SLIT1: variants seen among roughly 807,000 people sequenced by gnomAD.
SLIT1 encodes the protein slit homolog 1 protein.
SLIT1 carries 66 observed loss-of-function variants against 186.1 expected under a neutral mutation model. That is an observed-to-expected ratio of 0.35 (90% CI 0.29 to 0.44). The LOEUF is 0.44. SLIT1 is among the 20% of genes least tolerant of loss of function. The pLI, the probability that SLIT1 is intolerant of heterozygous loss-of-function variation, is 1.00. For missense variants in SLIT1, 1,638 were observed against 2,037.4 expected, an observed-to-expected ratio of 0.80 and a Z score of 3.77; for synonymous variants, 761 against 833.8, an observed-to-expected ratio of 0.91 and a Z score of 1.50.
At chr10:97,147,440 A>C (rs1467640371) in intron 4 of SLIT1, among the ~76,000 whole-genome samples, 3 of 152,236 alleles carry the variant, frequency 2.0e-5, no homozygotes, top group African/African-American at 7.2e-5. Context: ...ATATTGTACC[A>C]TGATTTTAAA....
intron 17 of SLIT1, 48 bp from the exon 18 acceptor site, chr10:97,046,845 G>T: frequency 6.2e-7 from 1 of 1,600,356 alleles, no homozygotes; most frequent in South Asian, 1.1e-5. Context: ...GCAGCCAGGA[G>T]CTCAGGCCCC....
intron 4 of SLIT1, among the ~76,000 whole-genome samples, chr10:97,121,632 C>A (rs375317960): frequency 3.9e-5 from 6 of 152,290 alleles, no homozygotes; most frequent in African/African-American, 1.4e-4. Flanking sequence ...TAATCACACA[C>A]CAGAAAACCC....
At chr10:97,091,502 GTAGTTT>G (rs1394426493) in intron 4 of SLIT1, among the ~76,000 whole-genome samples, 1 of 152,172 alleles carries the variant, frequency 6.6e-6, no homozygotes, top group Non-Finnish European at 1.5e-5. Flanking sequence ...ATTGAACTTT[GTAGTTT>G]TATTTCAGTG....
chr10:97,111,407 C>CAT (rs776818977), intron 4 of SLIT1, among the ~76,000 whole-genome samples: 6 of 152,088 alleles, frequency 3.9e-5, no homozygotes, highest in Non-Finnish European at 8.8e-5. Context: ...TTCTAATTCT[C>CAT]ACAGCCACTA....
intron 1 of SLIT1, among the ~76,000 whole-genome samples, chr10:97,174,273 G>A (rs769094896): frequency 4.6e-5 from 7 of 152,198 alleles, no homozygotes; most frequent in Non-Finnish European, 8.8e-5. Context: ...CGGCACCTGT[G>A]AGGATACCTG....
intron 4 of SLIT1, among the ~76,000 whole-genome samples, chr10:97,093,515 C>G (rs1849254866): frequency 6.6e-6 from 1 of 152,120 alleles, no homozygotes; most frequent in African/African-American, 2.4e-5. Context: ...GCCTAAAGCC[C>G]ATATGAGATG....
intron 4 of SLIT1, among the ~76,000 whole-genome samples, chr10:97,140,534 C>A (rs1447200748): frequency 6.6e-6 from 1 of 152,214 alleles, no homozygotes; most frequent in African/African-American, 2.4e-5. Context: ...AAACACACTT[C>A]CCCTCCTTAT....
chr10:97,091,323 G>C (rs1368403336), intron 4 of SLIT1, among the ~76,000 whole-genome samples: 1 of 152,198 alleles, frequency 6.6e-6, no homozygotes, highest in Non-Finnish European at 1.5e-5. Context: ...GTTCCTTAGG[G>C]GACTCACCTT....
chr10:97,012,665 A>C (rs2861826), intron 30 of SLIT1, among the ~76,000 whole-genome samples: 1 of 152,238 alleles, frequency 6.6e-6, no homozygotes, highest in Non-Finnish European at 1.5e-5. Context: ...GGGAGCCCCC[A>C]CAGGAGTACA....
intron 4 of SLIT1, among the ~76,000 whole-genome samples, chr10:97,081,448 A>T (rs11189003): frequency 0.34 from 52,110 of 152,008 alleles, 9,604 homozygotes; most frequent in African/African-American, 0.47. Flanking sequence ...CCTCTTCCTC[A>T]GGGGAAATGG....
chr10:97,010,889 G>A lies in SLIT1; in HGVS notation c.3341+104C>T. On this transcript the variant is annotated intron_variant, in intron 31 of 36. Transcript: ENST00000266058. The surrounding 1 kb of genome is among the most constrained non-coding windows in gnomAD (Gnocchi z 4.8). ...TAAAACCCCAGCATCCAACTTCCAG[G>A]CTCTGACCCACACCCCTTTCCTTCG... 8.9e-7 allele frequency: 1 copy of A among 1,118,616 alleles called. No homozygotes were observed. The allele number at this position is 1,118,616 out of a possible 1,614,324, so 69.3% of individuals were successfully genotyped here. A position where few individuals can be genotyped will look rare whatever the true frequency, so the allele number is the denominator to read the frequency against.
chr10:97,179,601 T>C (rs1850303369), intron 1 of SLIT1, among the ~76,000 whole-genome samples: 1 of 152,238 alleles, frequency 6.6e-6, no homozygotes, highest in South Asian at 2.1e-4. Flanking sequence ...TGGTAGCCAC[T>C]GTGCTCCTCG....
Position 97,049,458 on chromosome 10 carries a change from A to G in SLIT1, c.1302-340T>C, listed in dbSNP as rs777076216. ...TTCACGAGCACGAGCGGAGACAGGAAGGACCCAGAGGCTGGCCAGAGCACC... is the reference window on the plus strand; with the variant it reads ...TTCACGAGCACGAGCGGAGACAGGAGGGACCCAGAGGCTGGCCAGAGCACC... On this transcript the variant is annotated intron_variant, in intron 13 of 36. Transcript: ENST00000266058. 4.3e-4 allele frequency among the ~76,000 whole-genome samples: 65 copies of G among 152,210 alleles called. 1 individual carries two copies. Among genetic ancestry groups the G allele is most frequent in the Non-Finnish European group, 1.3e-4 (9 of 68,040 alleles).
At chr10:97,102,199 A>T (rs1164888927) in intron 4 of SLIT1, 2 of 152,188 alleles carry the variant, frequency 1.3e-5, no homozygotes, top group Non-Finnish European at 2.9e-5. Flanking sequence ...AGGCAGGTAG[A>T]TCACCTGAGG....
chr10:97,164,483 C>T (rs1850076073), intron 2 of SLIT1, among the ~76,000 whole-genome samples: 1 of 152,158 alleles, frequency 6.6e-6, no homozygotes, highest in African/African-American at 2.4e-5. Flanking sequence ...CAGATCCGTG[C>T]CCAGCGGCTT....
chr10:97,034,435 C>T (rs768883489), intron 23 of SLIT1, 36 bp downstream of exon 23: 5 of 1,549,168 alleles, frequency 3.2e-6, no homozygotes, highest in Admixed American at 3.3e-5. Flanking sequence ...CAGCCATGGC[C>T]CCGGGGCCCC....
chr10:97,091,775 C>A (rs1217137787), intron 4 of SLIT1, among the ~76,000 whole-genome samples: 1 of 152,176 alleles, frequency 6.6e-6, no homozygotes, highest in East Asian at 1.9e-4. Flanking sequence ...CTCGTAGGAG[C>A]ACAAACAGGG....
At position 97,047,797 on chromosome 10, in the gene SLIT1, G is replaced by A. The variant is rs376292857; in HGVS notation, c.1527C>T (p.Ser509=). The A allele has an allele frequency of 2.5e-5, 40 of 1,613,978 alleles. No individual in the cohort carries two copies. Among genetic ancestry groups the A allele is most frequent in the African/African-American group, 6.7e-5 (5 of 74,930 alleles). The part of the protein sequence containing the change: ...EDYQLNSECN[S]DVVCPHKCRC... Reference sequence around the variant, plus strand: ...GGCACTTGTGGGGACAGACCACGTCGCTGTTGCACTCGCTGTTCAGCTGGT... The same window carrying A: ...GGCACTTGTGGGGACAGACCACGTCACTGTTGCACTCGCTGTTCAGCTGGT... Residue 509 remains serine, a synonymous_variant, in exon 16 of 37, where the codon AGC becomes AGT. Coordinates refer to ENST00000266058, the MANE Select transcript of SLIT1 (RefSeq NM_003061.3).
chr10:97,119,923 A>ATATATATATATATATATATATATATATG (rs1849544514), intron 4 of SLIT1, among the ~76,000 whole-genome samples: 1 of 125,796 alleles, frequency 7.9e-6, no homozygotes, highest in African/African-American at 3.0e-5. Context: ...GTATATATAT[A>ATATATATATATATATATATATATATATG]TATATATATA....
Sources: allele counts gnomAD v4.1 joint callset (sites outside exome capture counted in the v4.1 genomes callset), GRCh38; gene constraint gnomAD v4.1.1; non-coding constraint Gnocchi (gnomAD v3.1); transcripts MANE v1.5; gene names NCBI Gene and HGNC (gene_info 2026-07-23, HGNC 2026-07-21).